ZSCAN18: variants seen among roughly 807,000 people sequenced by gnomAD.
ZSCAN18 encodes zinc finger and SCAN domain-containing protein 18.
ZSCAN18 carries 16 observed loss-of-function variants against 31.1 expected under a neutral mutation model. The ratio of observed to expected loss-of-function variants is 0.51; its 90% CI spans 0.35 to 0.78. The LOEUF (loss-of-function observed/expected upper bound fraction) is 0.78. ZSCAN18 is among the 30% of genes least tolerant of loss of function. The pLI is 0.01. For synonymous variants in ZSCAN18, 375 were observed against 320.7 expected (o/e 1.17, Z -1.81); for missense variants, 731 against 697.4 (o/e 1.05, Z -0.54).
upstream of ZSCAN18, among the ~76,000 whole-genome samples, chr19:58,102,371 G>A (rs1338320229): frequency 2.0e-5 from 3 of 152,180 alleles, no homozygotes; most frequent in Non-Finnish European, 2.9e-5. Flanking sequence ...TGAGGCAGGA[G>A]AATGGTGTGA....
chr19:58,101,973 G>A (rs1416390821), upstream of ZSCAN18, among the ~76,000 whole-genome samples: 1 of 151,932 alleles, frequency 6.6e-6, no homozygotes, highest in Non-Finnish European at 1.5e-5. Flanking sequence ...AGCAGCCAGA[G>A]ATCACACACT....
chr19:58,118,413 CGGAT>C (rs2146035245), upstream of ZSCAN18: 1 of 1,486,404 alleles, frequency 6.7e-7, no homozygotes, highest in Admixed American at 2.3e-5. Context: ...GCAGAGTTCC[CGGAT>C]GCGATATTCC....
At chr19:58,094,000 A>G (rs1168170004) in intron 1 of ZSCAN18, among the ~76,000 whole-genome samples, 2 of 151,996 alleles carry the variant, frequency 1.3e-5, no homozygotes, top group South Asian at 2.1e-4. Context: ...GCTGACCTCA[A>G]GTGATCCACC....
At chr19:58,101,281 C>T (rs367779952), upstream of ZSCAN18, among the ~76,000 whole-genome samples, 7 of 150,568 alleles carry the variant, frequency 4.6e-5, no homozygotes, top group East Asian at 9.9e-4. Context: ...TACAGGCGCC[C>T]GCCACCATGC....
chr19:58,085,709 G>A (rs1160839960), intron 6 of ZSCAN18: 1 of 411,868 alleles, frequency 2.4e-6, no homozygotes, highest in Non-Finnish European at 4.3e-6. Context: ...GATGCACGAT[G>A]CAAGGAGAGC....
At chr19:58,095,285 A>G (rs1411997247) in intron 1 of ZSCAN18, among the ~76,000 whole-genome samples, 1 of 152,184 alleles carries the variant, frequency 6.6e-6, no homozygotes, top group African/African-American at 2.4e-5. Flanking sequence ...TCTCCACAAA[A>G]CAAACTGTGA....
Position 58,118,327 on chromosome 19 carries a change from C to CCGCGAGAGGA in ZSCAN18, c.60_69dup (p.Ala24SerfsTer22). On this transcript the variant is annotated frameshift_variant, in exon 1 of 2. Transcript: ENST00000595721. LOFTEE classifies it high-confidence loss of function. ...GAACGGAGGAAACAGACCCGAGAGGCCGCGAGAGGACGGAACTCACTTCCC... is the reference window on the plus strand; with the variant it reads ...GAACGGAGGAAACAGACCCGAGAGGCCGCGAGAGGACGCGAGAGGACGGAACTCACTTCCC... 6.5e-7 allele frequency: 1 copy of CCGCGAGAGGA among 1,531,396 alleles called. No homozygotes were observed. Among genetic ancestry groups the CCGCGAGAGGA allele is most frequent in the Non-Finnish European group, 8.8e-7 (1 of 1,137,798 alleles). 94.9% of individuals were successfully genotyped at this position (1,531,396 alleles called of 1,614,324 possible).
At position 58,106,985 on chromosome 19, in the gene ZSCAN18, G is replaced by A. The variant is rs531674694; in HGVS notation, c.130+11282C>T. ...TCAGCATGTTGGTCAGGCTTGTCTC[G>A]AAATCCTGACCTCGTGATCTGCCCA... On this transcript the variant is annotated intron_variant, in intron 1 of 1. Transcript: ENST00000595721. Among the ~76,000 whole-genome samples, 29 of 151,584 alleles carry A rather than the reference G, an allele frequency of 1.9e-4. No homozygotes were observed. The South Asian group carries it at 5.9e-3, about 31-fold the overall frequency.
In ZSCAN18 at chr19:58,107,913, C is replaced by T. The variant is rs1014909876; in HGVS notation, c.130+10354G>A. 6.5e-6 allele frequency: 7 copies of T among 1,074,932 alleles called. No individual in the cohort carries two copies. In the East Asian group the frequency reaches 3.4e-4, roughly 53 times the overall value. The allele number at this position is 1,074,932 out of a possible 1,614,324, so 66.6% of individuals were successfully genotyped here. On this transcript the variant is annotated intron_variant, in intron 1 of 1. Coordinates refer to the ZSCAN18 transcript ENST00000595721. ...GCTGTCCCTGAAGGCTTTGCCACAC[C>T]GATTACACTCGTAGGGCTTCTCACC...
At chr19:58,109,065 C>A (rs2074658240) in intron 1 of ZSCAN18, 3 of 1,225,716 alleles carry the variant, frequency 2.4e-6, no homozygotes, top group South Asian at 8.5e-5. Flanking sequence ...CCACAATGGT[C>A]ATGGTGACCA....
upstream of ZSCAN18, chr19:58,118,403 G>C (rs760095171): frequency 6.6e-7 from 1 of 1,507,024 alleles, no homozygotes; most frequent in South Asian, 1.2e-5. Flanking sequence ...GCATGGGCGC[G>C]CAGAGTTCCC....
chr19:58,092,722 C>T (rs2074438956), intron 1 of ZSCAN18: 1 of 984,152 alleles, frequency 1.0e-6, no homozygotes, highest in Admixed American at 6.2e-5. Context: ...TTACCTCAAG[C>T]AGAACAGAGC....
intron 1 of ZSCAN18, among the ~76,000 whole-genome samples, chr19:58,097,263 G>C (rs1256749339): frequency 2.6e-5 from 4 of 152,102 alleles, no homozygotes; most frequent in Admixed American, 1.3e-4. Flanking sequence ...GACAGGAGAG[G>C]AAGGAGCAAG....
chr19:58,116,674 A>G lies in ZSCAN18; in HGVS notation c.130+1593T>C, dbSNP rs539424845. Reference sequence around the variant, plus strand: ...ACCTGATGCAAGCTCCATCATCATCACCTGCAACCCAGCAGCAAACAGTCC... The same window carrying G: ...ACCTGATGCAAGCTCCATCATCATCGCCTGCAACCCAGCAGCAAACAGTCC... On this transcript the variant is annotated intron_variant, in intron 1 of 1. Coordinates refer to the ZSCAN18 transcript ENST00000595721. Among the ~76,000 whole-genome samples, 65 of 152,254 alleles carry G rather than the reference A, an allele frequency of 4.3e-4. No individual in the cohort carries two copies. The South Asian group carries it at 4.4e-3, about 10-fold the overall frequency.
chr19:58,109,335 C>T (rs1349177379), intron 1 of ZSCAN18: 4 of 1,231,110 alleles, frequency 3.2e-6, no homozygotes, highest in Non-Finnish European at 3.0e-6. Context: ...TTTTTGAATC[C>T]TTAGAGAAAA....
Position 58,117,799 on chromosome 19 carries a change from G to A in ZSCAN18, c.130+468C>T, listed in dbSNP as rs1305310645. On this transcript the variant is annotated intron_variant, in intron 1 of 1. Coordinates refer to the ZSCAN18 transcript ENST00000595721. ...AAAAAAGGGATCCGCCCCAGTGGGA[G>A]GGTAGAGGAAGAGAAATGAGCCCCC... Among the ~76,000 whole-genome samples, 8 of 152,030 alleles carry A rather than the reference G, an allele frequency of 5.3e-5. 2 individuals are homozygous for A. The highest frequency in any genetic ancestry group is 5.2e-4 in the Admixed American group (8 of 15,286).
upstream of ZSCAN18, chr19:58,098,458 T>C (rs979803639): frequency 3.3e-5 from 27 of 817,748 alleles, no homozygotes; most frequent in African/African-American, 5.6e-5. Context: ...AATAGACCCC[T>C]GACAGCCAGA....
chr19:58,102,897 C>A (rs778050673), upstream of ZSCAN18, among the ~76,000 whole-genome samples: 1 of 152,048 alleles, frequency 6.6e-6, no homozygotes, highest in African/African-American at 2.4e-5. Flanking sequence ...TTTGGGAGGC[C>A]GAGGTGGGTG....
chr19:58,111,882 G>A (rs2547297), intron 1 of ZSCAN18, among the ~76,000 whole-genome samples: 115,877 of 152,110 alleles, frequency 0.76, 44,846 homozygotes, highest in Non-Finnish European at 0.85. Context: ...ACTGTTCATG[G>A]AATGCAAGGA....
Sources: allele counts gnomAD v4.1 joint callset (sites outside exome capture counted in the v4.1 genomes callset), GRCh38; gene constraint gnomAD v4.1.1; transcripts MANE v1.5; gene names NCBI Gene and HGNC (gene_info 2026-07-23, HGNC 2026-07-21).